ZBTB46: variants seen among roughly 807,000 people sequenced by gnomAD.
The protein encoded by ZBTB46 is zinc finger and BTB domain-containing protein 46.
In ZBTB46, 8 loss-of-function variants were observed where a neutral mutation model predicts 44.1. The ratio of observed to expected loss-of-function variants is 0.18; its 90% CI spans 0.11 to 0.33. ZBTB46 has a LOEUF of 0.33. Among genes scored for constraint, ZBTB46 ranks in the 10% least tolerant of loss-of-function variants. The probability of loss-of-function intolerance (pLI) is 1.00; values close to 1 mark genes in which losing one functional copy is unlikely to be tolerated. For synonymous variants in ZBTB46, 409 were observed against 382.3 expected (o/e 1.07, Z -0.81); for missense variants, 651 against 847.7 (o/e 0.77, Z 2.88).
chr20:63,758,503 T>C (rs952081847), intron 3 of ZBTB46, among the ~76,000 whole-genome samples: 6 of 149,596 alleles, frequency 4.0e-5, no homozygotes, highest in Non-Finnish European at 5.9e-5. Context: ...TTGGTGAGTG[T>C]AACAAACTTC....
At chr20:63,771,714 G>A (rs564355773) in intron 3 of ZBTB46, among the ~76,000 whole-genome samples, 3 of 152,206 alleles carry the variant, frequency 2.0e-5, no homozygotes, top group Non-Finnish European at 2.9e-5. Context: ...CGGATTCCAC[G>A]GGACCACCTG....
At chr20:63,813,278 G>A (rs1160555970) in intron 1 of ZBTB46, among the ~76,000 whole-genome samples, 7 of 151,382 alleles carry the variant, frequency 4.6e-5, no homozygotes, top group African/African-American at 1.7e-4. Flanking sequence ...GTGAAACCTC[G>A]TCTCTACTAA....
intron 3 of ZBTB46, among the ~76,000 whole-genome samples, chr20:63,763,824 T>G (rs745697615): frequency 6.6e-6 from 1 of 152,196 alleles, no homozygotes; most frequent in Non-Finnish European, 1.5e-5. Context: ...CAGTTAACTC[T>G]CATCCACCCC....
chr20:63,782,140 C>T (rs1254793922), intron 2 of ZBTB46, among the ~76,000 whole-genome samples: 1 of 150,574 alleles, frequency 6.6e-6, no homozygotes, highest in African/African-American at 2.4e-5. Context: ...TCCCCGGCTA[C>T]TGTATGCAAA....
intron 1 of ZBTB46, among the ~76,000 whole-genome samples, chr20:63,806,219 T>C (rs1034401750): frequency 6.7e-6 from 1 of 150,196 alleles, no homozygotes; most frequent in African/African-American, 2.4e-5. Flanking sequence ...CTGGCCAACA[T>C]AGTGAAACCC....
In ZBTB46 at chr20:63,747,338, G is replaced by GGA. The variant is rs561519216; in HGVS notation, c.1399-38_1399-37insTC. 1.8e-3 allele frequency: 2,363 copies of GGA among 1,309,776 alleles called. 99 individuals are homozygous for GGA. The African/African-American group carries it at 0.034, about 19-fold the overall frequency. 81.1% of individuals were successfully genotyped at this position (1,309,776 alleles called of 1,614,324 possible). On this transcript the variant is annotated intron_variant, in intron 4 of 4. Coordinates refer to ENST00000245663, the MANE Select transcript of ZBTB46 (RefSeq NM_001369741.1). ...GGGCAGGGGGTGAGCAGGGCCTGGTGGGTTGGGGGGCGGGGCAGGGGGTGA... is the reference window on the plus strand; with the variant it reads ...GGGCAGGGGGTGAGCAGGGCCTGGTGGAGGTTGGGGGGCGGGGCAGGGGGTGA...
At chr20:63,796,979 G>A (rs2092608555) in intron 1 of ZBTB46, among the ~76,000 whole-genome samples, 1 of 152,190 alleles carries the variant, frequency 6.6e-6, no homozygotes, top group Non-Finnish European at 1.5e-5. Context: ...AGTCCAGCCT[G>A]GGCAAAATGG....
chr20:63,772,662 C>T (rs904377977), intron 3 of ZBTB46, among the ~76,000 whole-genome samples: 3 of 151,656 alleles, frequency 2.0e-5, no homozygotes, highest in East Asian at 1.9e-4. Flanking sequence ...GAGGCTGCAG[C>T]GAGCTGAGAT....
intron 1 of ZBTB46, among the ~76,000 whole-genome samples, chr20:63,802,063 A>G (rs974376580): frequency 1.3e-5 from 2 of 152,302 alleles, no homozygotes; most frequent in Non-Finnish European, 2.9e-5. Flanking sequence ...TTGAAGCCCT[A>G]ACCCCTCATA....
intron 2 of ZBTB46, among the ~76,000 whole-genome samples, chr20:63,778,590 G>A (rs2092443689): frequency 6.6e-6 from 1 of 152,174 alleles, no homozygotes; most frequent in South Asian, 2.1e-4. Context: ...CCCCCGTCAG[G>A]CAGCACACGG....
intron 4 of ZBTB46, among the ~76,000 whole-genome samples, chr20:63,748,689 C>G (rs572579019): frequency 6.6e-6 from 1 of 152,212 alleles, no homozygotes; most frequent in East Asian, 1.9e-4. Context: ...AGGCTGAACC[C>G]GGCAATGACC....
In ZBTB46 at chr20:63,807,758, A is replaced by G. The variant is rs1351242360; in HGVS notation, c.-33-16968T>C. 3.3e-5 allele frequency among the ~76,000 whole-genome samples: 5 copies of G among 152,266 alleles called. 1 individual carries two copies. The highest frequency in any genetic ancestry group is 7.3e-5 in the Non-Finnish European group (5 of 68,034). ...AGCTGTACTAGGCCAAAACAAGCGAAGCACCCGTCTGTGTGAGGCAGCGGG... is the reference window on the plus strand; with the variant it reads ...AGCTGTACTAGGCCAAAACAAGCGAGGCACCCGTCTGTGTGAGGCAGCGGG... On this transcript the variant is annotated intron_variant, in intron 1 of 4. Coordinates refer to ENST00000245663, the MANE Select transcript of ZBTB46 (RefSeq NM_001369741.1).
chr20:63,826,779 G>A (rs1447885556), intron 1 of ZBTB46, among the ~76,000 whole-genome samples: 1 of 152,192 alleles, frequency 6.6e-6, no homozygotes, highest in Non-Finnish European at 1.5e-5. Context: ...AGTGTCCTTG[G>A]GAAGGCATTA....
chr20:63,807,106 G>A (rs974416257), intron 1 of ZBTB46, among the ~76,000 whole-genome samples: 1 of 151,970 alleles, frequency 6.6e-6, no homozygotes, highest in African/African-American at 2.4e-5. Context: ...TTCTTAAAAT[G>A]TTTGATAGAA....
chr20:63,826,098 G>A lies in ZBTB46; in HGVS notation c.-34+4999C>T, dbSNP rs543950803. On this transcript the variant is annotated intron_variant, in intron 1 of 4. Coordinates refer to ENST00000245663, the MANE Select transcript of ZBTB46 (RefSeq NM_001369741.1). The stretch of plus-strand genomic sequence containing the variant: ...CACCGACGCAGGCCTCGTGTGCAGC[G>A]ATATGCCAGCGAATGGGAAGGCTTT... Among the ~76,000 whole-genome samples the A allele has an allele frequency of 1.7e-3, 258 of 152,370 alleles. 1 individual carries two copies. The highest frequency in any genetic ancestry group is 2.7e-3 in the Non-Finnish European group (185 of 68,038).
rs1302535198 is a variant in ZBTB46 at position 63,816,166 on chromosome 20, G to A, written c.-34+14931C>T. ...GTGCAGGTGCAGTGGGTGCAGGTGCGGTGGGCACAGATGCAGTGGGCACAG... is the reference window on the plus strand; with the variant it reads ...GTGCAGGTGCAGTGGGTGCAGGTGCAGTGGGCACAGATGCAGTGGGCACAG... On this transcript the variant is annotated intron_variant, in intron 1 of 4. Coordinates refer to ENST00000245663, the MANE Select transcript of ZBTB46 (RefSeq NM_001369741.1). Among the ~76,000 whole-genome samples, 756 of 147,506 alleles carry A rather than the reference G, an allele frequency of 5.1e-3. 9 individuals carry two copies. The highest frequency in any genetic ancestry group is 0.018 in the African/African-American group (717 of 39,426).
In ZBTB46 at chr20:63,803,303, T is replaced by C. The variant is rs1451923555; in HGVS notation, c.-33-12513A>G. The C allele has an allele frequency of 2.3e-5, 23 of 984,844 alleles. No homozygotes were observed. Among genetic ancestry groups the C allele is most frequent in the Non-Finnish European group, 9.6e-6 (8 of 829,502 alleles). 61.0% of individuals were successfully genotyped at this position (984,844 alleles called of 1,614,324 possible). A position where few individuals can be genotyped will look rare whatever the true frequency, so the allele number is the denominator to read the frequency against. On this transcript the variant is annotated intron_variant, in intron 1 of 4. Transcript: ENST00000245663. The surrounding 1 kb of genome is among the most constrained non-coding windows in gnomAD (Gnocchi z 4.0). The stretch of plus-strand genomic sequence containing the variant: ...TTAAGACATGAATACTGTGAAACTG[T>C]CGTACAAATTAAATTTCATATACAT...
intron 1 of ZBTB46, chr20:63,808,296 C>T (rs2092695031): frequency 6.6e-6 from 1 of 152,450 alleles, no homozygotes; most frequent in Non-Finnish European, 1.5e-5. Flanking sequence ...TCCCCTGTAC[C>T]CTGTAGGCCA....
At chr20:63,817,324 G>A (rs112366100) in intron 1 of ZBTB46, among the ~76,000 whole-genome samples, 3 of 151,802 alleles carry the variant, frequency 2.0e-5, no homozygotes, top group Admixed American at 1.3e-4. Context: ...GAGGATCCTT[G>A]AGTCTGGGAG....
Sources: gnomAD v4.1 joint callset for allele counts (sites outside exome capture counted in the v4.1 genomes callset) on GRCh38, gnomAD v4.1.1 for gene constraint, Gnocchi (gnomAD v3.1) non-coding constraint, MANE v1.5 for transcripts, NCBI Gene and HGNC (gene_info 2026-07-23, HGNC 2026-07-21) for gene names.